CYTH3: variants seen among roughly 807,000 people sequenced by gnomAD.
CYTH3 encodes cytohesin 3, also known as cytohesin-3.
In CYTH3, 23 loss-of-function variants were observed where a neutral mutation model predicts 55.1. The observed-to-expected ratio is 0.42, with a 90% CI of 0.30 to 0.59. The LOEUF (loss-of-function observed/expected upper bound fraction) is 0.59. Among genes scored for constraint, CYTH3 ranks in the 20% least tolerant of loss-of-function variants. The pLI is 0.20. For synonymous variants in CYTH3, 249 were observed against 194.9 expected (o/e 1.28, Z -2.31); for missense variants, 413 against 524.8 (o/e 0.79, Z 2.08).
At chr7:6,182,784 A>G (rs1044756333) in intron 4 of CYTH3, among the ~76,000 whole-genome samples, 16 of 152,268 alleles carry the variant, frequency 1.1e-4, no homozygotes, top group South Asian at 4.1e-4. Context: ...CGTCAGGATT[A>G]TAGGCATGAG....
intron 1 of CYTH3, among the ~76,000 whole-genome samples, chr7:6,241,115 C>T (rs1052955750): frequency 6.6e-6 from 1 of 151,396 alleles, no homozygotes; most frequent in Non-Finnish European, 1.5e-5. Context: ...GAGTGAGACT[C>T]ATCTCAAAAA....
Position 6,208,048 on chromosome 7 carries a change from A to G in CYTH3, c.35-17517T>C, listed in dbSNP as rs1202138149. Among the ~76,000 whole-genome samples, 5 of 152,190 alleles carry G rather than the reference A, an allele frequency of 3.3e-5. No individual in the cohort carries two copies. In the East Asian group the frequency reaches 9.6e-4, roughly 29 times the overall value. ...TGAGCACTACTGTTCTTATTCTTCC[A>G]AGACTCCTTCTACCTTAGGTATATA... On this transcript the variant is annotated intron_variant, in intron 1 of 12. Transcript: ENST00000350796.
intron 1 of CYTH3, among the ~76,000 whole-genome samples, chr7:6,212,107 C>T (rs1784331725): frequency 1.3e-5 from 2 of 152,002 alleles, no homozygotes; most frequent in African/African-American, 4.8e-5. Context: ...GGTAACCATC[C>T]TTCTACTCTC....
chr7:6,188,791 C>T (rs1374979839), intron 2 of CYTH3: 1 of 152,182 alleles, frequency 6.6e-6, no homozygotes, highest in Non-Finnish European at 1.5e-5. Context: ...CCACATTTAT[C>T]CAGCAGGCTG....
rs538522515 is a variant in CYTH3, at chr7:6,170,234, C to A, written c.823+301G>T. 22 of 397,676 alleles carry A rather than the reference C, an allele frequency of 5.5e-5. 1 individual carries two copies. In the East Asian group the frequency reaches 8.6e-4, roughly 15 times the overall value. The allele number at this position is 397,676 out of a possible 1,614,324, so 24.6% of individuals were successfully genotyped here. A position where few individuals can be genotyped will look rare whatever the true frequency, so the allele number is the denominator to read the frequency against. ...GCACACAGGCTCTGTGGAGATAATGCGCTTGCTTCTCGTGCAGGAAGCTGC... is the reference window on the plus strand; with the variant it reads ...GCACACAGGCTCTGTGGAGATAATGAGCTTGCTTCTCGTGCAGGAAGCTGC... On this transcript the variant is annotated intron_variant, in intron 9 of 12. Coordinates refer to ENST00000350796, the MANE Select transcript of CYTH3 (RefSeq NM_004227.4). This position sits in a 1 kb window ranked among gnomAD's most constrained non-coding sequence, Gnocchi z 7.8.
At position 6,234,155 on chromosome 7, in the gene CYTH3, T is replaced by C. The variant is rs921472690; in HGVS notation, c.34+38319A>G. ...TCTAAATCGCAGAACTGATCAACTATCCAGTAACCTTTATCAAGTGCAGCA... is the reference window on the plus strand; with the variant it reads ...TCTAAATCGCAGAACTGATCAACTACCCAGTAACCTTTATCAAGTGCAGCA... On this transcript the variant is annotated intron_variant, in intron 1 of 12. Coordinates refer to ENST00000350796, the MANE Select transcript of CYTH3 (RefSeq NM_004227.4). Among the ~76,000 whole-genome samples the C allele has an allele frequency of 2.0e-5, 3 of 152,278 alleles. No individual in the cohort carries two copies. In the South Asian group the frequency reaches 6.2e-4, roughly 32 times the overall value.
rs148550684 is a variant in CYTH3 at position 6,187,634 on chromosome 7, A to T, written c.182+23T>A. The T allele has an allele frequency of 3.3e-4, 531 of 1,598,788 alleles. 2 individuals carry two copies. In the African/African-American group the frequency reaches 5.6e-3, roughly 17 times the overall value. On this transcript the variant is annotated intron_variant, in intron 3 of 12. Coordinates refer to ENST00000350796, the MANE Select transcript of CYTH3 (RefSeq NM_004227.4). ...TAGAAAGAAAAGAGTAAATAGCTTA[A>T]AGGTGTAGCCACAAATTGTTACCTC... is the stretch of plus-strand genomic sequence containing the variant.
chr7:6,183,873 G>C (rs1192170505), intron 4 of CYTH3, among the ~76,000 whole-genome samples: 1 of 151,812 alleles, frequency 6.6e-6, no homozygotes, highest in African/African-American at 2.4e-5. Context: ...TCACCCTAGA[G>C]TGAGTAAGTT....
intron 1 of CYTH3, among the ~76,000 whole-genome samples, chr7:6,252,027 A>G (rs543076184): frequency 6.6e-6 from 1 of 152,378 alleles, no homozygotes; most frequent in African/African-American, 2.4e-5. Context: ...TTTCAGCTAC[A>G]GGATGGTGAT....
chr7:6,179,827 C>T (rs529489095), intron 4 of CYTH3, among the ~76,000 whole-genome samples: 32 of 131,818 alleles, frequency 2.4e-4, no homozygotes, highest in Non-Finnish European at 4.9e-4. Context: ...ACACCACACA[C>T]GCACACCACA....
At chr7:6,271,842 T>C (rs1372162998) in intron 1 of CYTH3, among the ~76,000 whole-genome samples, 1 of 152,100 alleles carries the variant, frequency 6.6e-6, no homozygotes, top group East Asian at 1.9e-4. Context: ...CGGAGTTTTT[T>C]GCTCAATCTG....
At chr7:6,187,245 G>T in intron 3 of CYTH3, 129 bp from the exon 4 acceptor site, 1 of 943,398 alleles carries the variant, frequency 1.1e-6, no homozygotes, top group Non-Finnish European at 1.7e-6. Flanking sequence ...TCACGGAGGG[G>T]CCCCCAGTCT....
At chr7:6,223,301 G>A (rs931039361) in intron 1 of CYTH3, among the ~76,000 whole-genome samples, 11 of 152,178 alleles carry the variant, frequency 7.2e-5, no homozygotes, top group Admixed American at 3.3e-4. Context: ...CTGCCAGGCC[G>A]CCCCGTCTGG....
intron 1 of CYTH3, among the ~76,000 whole-genome samples, chr7:6,262,458 G>A (rs1468142517): frequency 6.6e-6 from 1 of 152,152 alleles, no homozygotes; most frequent in Non-Finnish European, 1.5e-5. Context: ...CATCTTAAAA[G>A]CAGCCTAAAG....
intron 1 of CYTH3, 51 bp downstream of exon 1, chr7:6,272,423 C>T (rs771144675): frequency 1.1e-5 from 13 of 1,189,370 alleles, no homozygotes; most frequent in Non-Finnish European, 1.3e-5. Context: ...CCCCAGCCCC[C>T]GGCCCCCGAC....
rs1026957948 is a variant in CYTH3, at chr7:6,272,578, G to A, written c.-71C>T. 19 of 1,132,450 alleles carry A rather than the reference G, an allele frequency of 1.7e-5. No individual in the cohort carries two copies. The highest frequency in any genetic ancestry group is 6.7e-5 in the African/African-American group (4 of 59,946). The allele number at this position is 1,132,450 out of a possible 1,614,324, so 70.2% of individuals were successfully genotyped here. A position where few individuals can be genotyped will look rare whatever the true frequency, so the allele number is the denominator to read the frequency against. The stretch of plus-strand genomic sequence containing the variant: ...GGGGCCGCGGGCTGGGGACGCCGCC[G>A]GAGGGAGCGCGCAGGCGACCGGGCG... On this transcript the variant is annotated 5_prime_UTR_variant, in exon 1 of 13. Coordinates refer to ENST00000350796, the MANE Select transcript of CYTH3 (RefSeq NM_004227.4).
intron 1 of CYTH3, among the ~76,000 whole-genome samples, chr7:6,195,994 C>T (rs889748255): frequency 6.6e-6 from 1 of 152,174 alleles, no homozygotes; most frequent in Non-Finnish European, 1.5e-5. Flanking sequence ...CATCGGTAAC[C>T]CAGTCTGTTC....
At position 6,259,793 on chromosome 7, in the gene CYTH3, AT is replaced by A. The variant is rs1473718235; in HGVS notation, c.34+12680del. ...TATATTATATATATATAATATATAT[AT>A]ATATATATATATATATATAATATAT... On this transcript the variant is annotated intron_variant, in intron 1 of 12. Coordinates refer to ENST00000350796, the MANE Select transcript of CYTH3 (RefSeq NM_004227.4). 5.1e-3 allele frequency among the ~76,000 whole-genome samples: 72 copies of A among 14,092 alleles called. 1 individual carries two copies. The highest frequency in any genetic ancestry group is 0.012 in the African/African-American group (8 of 652). The allele number at this position is 14,092 out of a possible 152,430, so 9.2% of individuals were successfully genotyped here. A position where few individuals can be genotyped will look rare whatever the true frequency, so the allele number is the denominator to read the frequency against.
rs887701278 is a variant in CYTH3, at chr7:6,244,955, A to ATTTTTTTTTTTT, written c.34+27507_34+27518dup. 1.1e-3 allele frequency among the ~76,000 whole-genome samples: 41 copies of ATTTTTTTTTTTT among 36,454 alleles called. 3 individuals are homozygous for ATTTTTTTTTTTT. Among genetic ancestry groups the ATTTTTTTTTTTT allele is most frequent in the Admixed American group, 1.8e-3 (5 of 2,724 alleles). 23.9% of individuals were successfully genotyped at this position (36,454 alleles called of 152,430 possible). A position where few individuals can be genotyped will look rare whatever the true frequency, so the allele number is the denominator to read the frequency against. ...AGTCACCCGCCACCACGCCCGGCTA[A>ATTTTTTTTTTTT]TTTTTTTTTTTTTTTTTTTTTTTTT... On this transcript the variant is annotated intron_variant, in intron 1 of 12. Transcript: ENST00000350796.
Sources: gnomAD v4.1 joint callset for allele counts (sites outside exome capture counted in the v4.1 genomes callset) on GRCh38, gnomAD v4.1.1 for gene constraint, Gnocchi (gnomAD v3.1) non-coding constraint, MANE v1.5 for transcripts, NCBI Gene and HGNC (gene_info 2026-07-23, HGNC 2026-07-21) for gene names.